The following CEP170 variants were observed in gnomAD, a reference collection of about 807,000 sequenced individuals.
CEP170 encodes centrosomal protein 170, also known as centrosomal protein of 170 kDa.
Under a neutral mutation model 151.9 loss-of-function variants are expected in CEP170, and 21 were observed. That is an observed-to-expected ratio of 0.14 (90% confidence interval 0.10 to 0.20). The LOEUF is 0.20. Ranked by LOEUF, CEP170 falls within the 10% of genes least tolerant of loss-of-function variation. The pLI, the probability that CEP170 is intolerant of heterozygous loss-of-function variation, is 1.00. For missense variants in CEP170, 964 were observed against 1,892.9 expected, an observed-to-expected ratio of 0.51 and a Z score of 9.11; for synonymous variants, 356 against 648.8, an observed-to-expected ratio of 0.55 and a Z score of 6.86.
intron 8 of CEP170, among the ~76,000 whole-genome samples, chr1:243,189,572 AAAT>A (rs1383362319): frequency 1.8e-4 from 28 of 151,862 alleles, no homozygotes; most frequent in African/African-American, 5.8e-4. Flanking sequence ...AAAAAAAAAA[AAAT>A]AGTAGTAATA....
intron 3 of CEP170, among the ~76,000 whole-genome samples, chr1:243,220,044 G>T (rs1219394097): frequency 6.6e-6 from 1 of 152,194 alleles, no homozygotes. Context: ...TGTTACAACA[G>T]TTTCTACCTA....
At chr1:243,184,677 G>A (rs1052868491) in intron 10 of CEP170, among the ~76,000 whole-genome samples, 1 of 151,912 alleles carries the variant, frequency 6.6e-6, no homozygotes, top group Non-Finnish European at 1.5e-5. Flanking sequence ...TTAAAAATAT[G>A]AAAATAAAAG....
chr1:243,193,573 A>G (rs2060452227), intron 7 of CEP170, among the ~76,000 whole-genome samples: 1 of 152,126 alleles, frequency 6.6e-6, no homozygotes, highest in East Asian at 1.9e-4. Context: ...CCTGTTTTGA[A>G]GGTCACCATT....
At chr1:243,202,599 T>C (rs1483304327) in intron 4 of CEP170, among the ~76,000 whole-genome samples, 1 of 152,022 alleles carries the variant, frequency 6.6e-6, no homozygotes, top group African/African-American at 2.4e-5. Context: ...AGGGCATGAC[T>C]ACTGCAGATA....
chr1:243,175,851 C>T (rs2059205701), intron 10 of CEP170, among the ~76,000 whole-genome samples: 2 of 152,170 alleles, frequency 1.3e-5, no homozygotes, highest in Non-Finnish European at 2.9e-5. Context: ...GGCCGGAGTG[C>T]AGTGGCGCGA....
At chr1:243,195,378 C>T (rs75148356) in intron 7 of CEP170, among the ~76,000 whole-genome samples, 12,004 of 151,952 alleles carry the variant, frequency 0.079, 1,050 homozygotes, top group East Asian at 0.2. Flanking sequence ...ACAAACTTTA[C>T]GTCTTAATAC....
chr1:243,126,118 T>C lies in CEP170; in HGVS notation c.*331A>G, dbSNP rs979742675. 26 of 464,872 alleles carry C rather than the reference T, an allele frequency of 5.6e-5. No individual in the cohort carries two copies. The highest frequency in any genetic ancestry group is 4.6e-4 in the African/African-American group (23 of 50,428). The allele number at this position is 464,872 out of a possible 1,614,324, so 28.8% of individuals were successfully genotyped here. The stretch of plus-strand genomic sequence containing the variant: ...AGAAATGTTGGCTATTTAGTTTGCT[T>C]GTAGGTCACAGCATGGCTTAAAAAA... On this transcript the variant is annotated 3_prime_UTR_variant, in exon 20 of 20. Coordinates refer to ENST00000366542, the MANE Select transcript of CEP170 (RefSeq NM_014812.3).
chr1:243,251,367 G>A (rs936905438), intron 1 of CEP170, among the ~76,000 whole-genome samples: 4 of 152,138 alleles, frequency 2.6e-5, no homozygotes, highest in African/African-American at 9.7e-5. Context: ...TAAAAAAGAT[G>A]AGTAGAAAGA....
intron 1 of CEP170, among the ~76,000 whole-genome samples, chr1:243,242,752 G>C (rs1011133208): frequency 1.3e-5 from 2 of 151,934 alleles, no homozygotes; most frequent in Non-Finnish European, 2.9e-5. Flanking sequence ...CCAGGCTGGA[G>C]TGCAGTGGCG....
At chr1:243,139,424 G>A (rs1479188743) in intron 16 of CEP170, among the ~76,000 whole-genome samples, 1 of 152,014 alleles carries the variant, frequency 6.6e-6, no homozygotes, top group Non-Finnish European at 1.5e-5. Context: ...TAATTGATTG[G>A]AGGGAGTTTT....
At chr1:243,140,156 G>C in intron 15 of CEP170, 49 bp from the exon 16 acceptor site, 1 of 1,580,172 alleles carries the variant, frequency 6.3e-7, no homozygotes, top group Non-Finnish European at 8.6e-7. Context: ...ATTTGAAAAA[G>C]TACCAATATT....
At chr1:243,199,467 G>A (rs934333445) in intron 6 of CEP170, among the ~76,000 whole-genome samples, 8 of 152,010 alleles carry the variant, frequency 5.3e-5, no homozygotes, top group Non-Finnish European at 7.4e-5. Context: ...GGTGTTATGA[G>A]TTGTTTGCTA....
intron 4 of CEP170, among the ~76,000 whole-genome samples, chr1:243,204,162 T>C (rs1171661358): frequency 6.6e-6 from 1 of 152,186 alleles, no homozygotes; most frequent in African/African-American, 2.4e-5. Context: ...ATTAATATGC[T>C]CATGTTTTGT....
chr1:243,228,617 C>T (rs997415404), intron 1 of CEP170, among the ~76,000 whole-genome samples: 2 of 152,072 alleles, frequency 1.3e-5, no homozygotes, highest in Non-Finnish European at 2.9e-5. Flanking sequence ...CACGTTTACT[C>T]AAGGGAACTG....
chr1:243,171,165 A>C (rs2058816417), intron 11 of CEP170, among the ~76,000 whole-genome samples: 1 of 152,244 alleles, frequency 6.6e-6, no homozygotes. Flanking sequence ...TGGGTTACTC[A>C]GAATGGCATC....
intron 17 of CEP170, chr1:243,135,703 TAAG>T (rs1051374258): frequency 1.3e-5 from 2 of 155,336 alleles, no homozygotes; most frequent in African/African-American, 4.8e-5. Context: ...AGACTGTTTT[TAAG>T]AATACTTTAA....
chr1:243,250,417 G>A (rs1257808863), intron 1 of CEP170, among the ~76,000 whole-genome samples: 1 of 152,194 alleles, frequency 6.6e-6, no homozygotes, highest in Non-Finnish European at 1.5e-5. Context: ...TAAAATACTG[G>A]TTTAAAAACA....
chr1:243,143,376 A>G (rs2056108410), intron 14 of CEP170, among the ~76,000 whole-genome samples: 1 of 152,114 alleles, frequency 6.6e-6, no homozygotes, highest in Non-Finnish European at 1.5e-5. Flanking sequence ...TAGCTAAGGC[A>G]GGACTGGATC....
At chr1:243,245,301 C>T (rs1327165254) in intron 1 of CEP170, among the ~76,000 whole-genome samples, 1 of 151,680 alleles carries the variant, frequency 6.6e-6, no homozygotes, top group Admixed American at 6.6e-5. Context: ...CAAAACTGTC[C>T]AGATTGGGTG....
Sources: gnomAD v4.1 joint callset for allele counts (sites outside exome capture counted in the v4.1 genomes callset) on GRCh38, gnomAD v4.1.1 for gene constraint, MANE v1.5 for transcripts, NCBI Gene and HGNC (gene_info 2026-07-23, HGNC 2026-07-21) for gene names.